Variants in UNC93A observed in about 807,000 individuals in gnomAD.
UNC93A encodes the protein N-acetylglucosamine transporter UNC93A.
In UNC93A, 43 loss-of-function variants were observed where a neutral mutation model predicts 47.5. That is an observed-to-expected ratio of 0.91 (90% CI 0.71 to 1.17). The LOEUF (loss-of-function observed/expected upper bound fraction) is 1.17, where lower values mean the gene tolerates loss of function less well. Ranked by LOEUF, UNC93A falls within the 50% of genes most tolerant of loss-of-function variation. The pLI is 0.00. For missense variants in UNC93A, 605 were observed against 577.6 expected, an observed-to-expected ratio of 1.05 and a Z score of -0.49; for synonymous variants, 280 against 258.0, an observed-to-expected ratio of 1.09 and a Z score of -0.82.
chr6:167,306,414 G>A (rs995007112), intron 6 of UNC93A, among the ~76,000 whole-genome samples: 3 of 152,190 alleles, frequency 2.0e-5, no homozygotes, highest in Admixed American at 6.5e-5. Flanking sequence ...GGAAAGACAC[G>A]CTGGGGTTGG....
At chr6:167,276,824 C>A (rs1445087030) in intron 1 of UNC93A, among the ~76,000 whole-genome samples, 1 of 152,238 alleles carries the variant, frequency 6.6e-6, no homozygotes, top group Non-Finnish European at 1.5e-5. Context: ...GAGTCGTGGC[C>A]ATCCCTGTCA....
intron 6 of UNC93A, among the ~76,000 whole-genome samples, chr6:167,307,014 T>A (rs1212198979): frequency 6.6e-6 from 1 of 152,150 alleles, no homozygotes; most frequent in Admixed American, 6.5e-5. Flanking sequence ...TGTGGCCTCC[T>A]CCCTTTTGTC....
At chr6:167,289,234 C>G (rs1462880560), upstream of UNC93A, among the ~76,000 whole-genome samples, 2 of 152,186 alleles carry the variant, frequency 1.3e-5, no homozygotes, top group African/African-American at 4.8e-5. Context: ...CCTCAGGGGT[C>G]GGGTAAGATA....
intron 6 of UNC93A, 103 bp from the exon 7 acceptor site, chr6:167,307,676 G>T: frequency 6.9e-7 from 1 of 1,441,508 alleles, no homozygotes. Flanking sequence ...GACAGTTCCA[G>T]AGGACGGTTG....
intron 1 of UNC93A, among the ~76,000 whole-genome samples, chr6:167,283,445 T>A (rs1275446390): frequency 1.3e-5 from 2 of 152,140 alleles, no homozygotes; most frequent in Non-Finnish European, 2.9e-5. Context: ...ATTGTTAGGA[T>A]TCTATGGAAT....
chr6:167,269,172 C>G (rs893404969), upstream of UNC93A, among the ~76,000 whole-genome samples: 4 of 152,310 alleles, frequency 2.6e-5, no homozygotes, highest in South Asian at 4.1e-4. Context: ...GGCTGGAGAC[C>G]GGCGGAACAG....
At chr6:167,285,616 G>A (rs2115094293) in intron 1 of UNC93A, among the ~76,000 whole-genome samples, 1 of 151,670 alleles carries the variant, frequency 6.6e-6, no homozygotes, top group Non-Finnish European at 1.5e-5. Flanking sequence ...TGCTGTCTCA[G>A]GTGACGGCAT....
At chr6:167,309,174 C>T (rs916080309) in intron 7 of UNC93A, among the ~76,000 whole-genome samples, 2 of 152,152 alleles carry the variant, frequency 1.3e-5, no homozygotes, top group East Asian at 1.9e-4. Context: ...CATAGTTAGC[C>T]GAGATCGCAC....
chr6:167,271,652 G>A (rs866143680), intron 1 of UNC93A, among the ~76,000 whole-genome samples: 1 of 152,094 alleles, frequency 6.6e-6, no homozygotes, highest in Non-Finnish European at 1.5e-5. Flanking sequence ...ACCCATCCTA[G>A]GTTCTCTGGC....
At chr6:167,276,694 T>C (rs1404346737) in intron 1 of UNC93A, among the ~76,000 whole-genome samples, 1 of 152,172 alleles carries the variant, frequency 6.6e-6, no homozygotes, top group Admixed American at 6.5e-5. Flanking sequence ...ATTCCAGGAC[T>C]CTTCCATGTT....
Position 167,305,899 on chromosome 6 carries a change from G to A in UNC93A, c.841-16G>A, listed in dbSNP as rs1583088934. 1.9e-6 allele frequency: 3 copies of A among 1,614,074 alleles called. No homozygotes were observed. The highest frequency in any genetic ancestry group is 2.5e-6 in the Non-Finnish European group (3 of 1,179,998). Reference sequence around the variant, plus strand: ...CTGGGAGCGTCCATGACGTGGCTCTGCACCCCTCTCCCCAGTCCTATGTCA... The same window carrying A: ...CTGGGAGCGTCCATGACGTGGCTCTACACCCCTCTCCCCAGTCCTATGTCA... On this transcript the variant is annotated splice_polypyrimidine_tract_variant and intron_variant, in intron 5 of 7. Coordinates refer to ENST00000230256, the MANE Select transcript of UNC93A (RefSeq NM_018974.4).
At position 167,297,977 on chromosome 6, in the gene UNC93A, G is replaced by A. The variant is rs1268435680; in HGVS notation, c.532G>A (p.Gly178Arg). 3.7e-6 allele frequency: 6 copies of A among 1,614,000 alleles called. No individual in the cohort carries two copies. Among genetic ancestry groups the A allele is most frequent in the Non-Finnish European group, 5.1e-6 (6 of 1,179,998 alleles). Residue 178 changes from glycine (G) to arginine (R), a missense_variant, in exon 4 of 8, where the codon GGG (glycine) becomes AGG (arginine). Physicochemically the swap from Gly to Arg is moderately radical, Grantham distance 125 (BLOSUM62 -2). Coordinates refer to ENST00000230256, the MANE Select transcript of UNC93A (RefSeq NM_018974.4). The part of the protein sequence containing the change: ...TLPEEQLTSC[G>R]ASDCLMATTT... ...TCCAGAAGAGCAGCTCACGTCCTGT[G>A]GGGCCAGTGACTGCCTGATGGCCAC...
intron 4 of UNC93A, among the ~76,000 whole-genome samples, chr6:167,302,640 T>C (rs376029957): frequency 6.6e-6 from 1 of 152,100 alleles, no homozygotes; most frequent in Non-Finnish European, 1.5e-5. Context: ...AATAATAAAG[T>C]GGTGGGCAGA....
chr6:167,300,425 G>T (rs1415106873), intron 4 of UNC93A, among the ~76,000 whole-genome samples: 1 of 152,118 alleles, frequency 6.6e-6, no homozygotes, highest in African/African-American at 2.4e-5. Context: ...CTGGGGAGGG[G>T]GTTTGAGAGT....
Position 167,296,182 on chromosome 6 carries a change from C to G in UNC93A, c.420C>G (p.Ile140Met). The change falls in exon 3 of 8, where the codon ATC (isoleucine) becomes ATG (methionine). Residue 140 changes from isoleucine to methionine, a missense_variant. Physicochemically the swap from Ile to Met is conservative, Grantham distance 10. Coordinates refer to ENST00000230256, the MANE Select transcript of UNC93A (RefSeq NM_018974.4). Reference sequence around the variant, plus strand: ...ACATGGTGAACCAGTATTTTGGCATCTTCTTCCTCATATTCCAGTCATCCG... The same window carrying G: ...ACATGGTGAACCAGTATTTTGGCATGTTCTTCCTCATATTCCAGTCATCCG... ...GKDMVNQYFGIFFLIFQSSGV... is the reference protein window; with the variant it reads ...GKDMVNQYFGMFFLIFQSSGV... 6.2e-7 allele frequency: 1 copy of G among 1,614,230 alleles called. No individual in the cohort carries two copies. The highest frequency in any genetic ancestry group is 1.6e-4 in the Middle Eastern group (1 of 6,062).
At chr6:167,302,842 C>A (rs1157818973) in intron 4 of UNC93A, among the ~76,000 whole-genome samples, 2 of 152,140 alleles carry the variant, frequency 1.3e-5, no homozygotes, top group Admixed American at 6.5e-5. Flanking sequence ...GGTCTGAGAA[C>A]CTTAAGTGGA....
rs183725225 is a variant in UNC93A, at chr6:167,283,781, C to A, written c.-51-7658C>A. On this transcript the variant is annotated intron_variant, in intron 1 of 3. Coordinates refer to the UNC93A transcript ENST00000503433. Reference sequence around the variant, plus strand: ...CATCATGTTCAGAGAGAAATTATAACTACTCAATGGTTAAAAGAGTATAGT... The same window carrying A: ...CATCATGTTCAGAGAGAAATTATAAATACTCAATGGTTAAAAGAGTATAGT... 1.6e-3 allele frequency among the ~76,000 whole-genome samples: 247 copies of A among 152,264 alleles called. 3 individuals carry two copies. The highest frequency in any genetic ancestry group is 5.7e-3 in the African/African-American group (236 of 41,528).
upstream of UNC93A, among the ~76,000 whole-genome samples, chr6:167,286,785 C>T (rs1253593473): frequency 6.6e-6 from 1 of 151,988 alleles, no homozygotes; most frequent in Non-Finnish European, 1.5e-5. Flanking sequence ...CGTGACCAGC[C>T]TGGGCAACAC....
intron 7 of UNC93A, 129 bp downstream of exon 7, chr6:167,308,039 C>A: frequency 7.7e-7 from 1 of 1,301,200 alleles, no homozygotes; most frequent in Non-Finnish European, 1.0e-6. Flanking sequence ...ACGGGAGGGC[C>A]AAGAGGGCTT....
Sources: gnomAD v4.1 joint callset for allele counts (sites outside exome capture counted in the v4.1 genomes callset) on GRCh38, gnomAD v4.1.1 for gene constraint, MANE v1.5 for transcripts, NCBI Gene and HGNC (gene_info 2026-07-23, HGNC 2026-07-21) for gene names.